Variants in ULBP3 observed in about 807,000 individuals in gnomAD.
The protein encoded by ULBP3 is UL16-binding protein 3.
A neutral mutation model predicts 24.9 loss-of-function variants in ULBP3; 25 were observed. The observed-to-expected ratio is 1.00, with a 90% confidence interval of 0.73 to 1.40. ULBP3 has a LOEUF of 1.40. ULBP3 is among the 40% of genes most tolerant of loss of function. The probability of loss-of-function intolerance (pLI) is 0.00; values close to 1 mark genes in which losing one functional copy is unlikely to be tolerated. For synonymous variants in ULBP3, 114 were observed against 114.7 expected (o/e 0.99, Z 0.04); for missense variants, 306 against 307.5 (o/e 1.00, Z 0.04).
rs1300077292 is a variant in ULBP3 at position 150,064,570 on chromosome 6, T to C, written c.*22+15A>G. The C allele has an allele frequency of 6.2e-7, 1 of 1,603,944 alleles. No individual in the cohort carries two copies. The highest frequency in any genetic ancestry group is 8.5e-7 in the Non-Finnish European group (1 of 1,171,354). On this transcript the variant is annotated intron_variant, in intron 4 of 4. Transcript: ENST00000367339. ...CATCTGTCTCTCGTTCCCCTCACAGTTTTGCCCACAGTACCTGTCACTCTA... is the reference window on the plus strand; with the variant it reads ...CATCTGTCTCTCGTTCCCCTCACAGCTTTGCCCACAGTACCTGTCACTCTA...
At chr6:150,065,810 G>A in intron 2 of ULBP3, 89 bp downstream of exon 2, 4 of 1,581,316 alleles carry the variant, frequency 2.5e-6, no homozygotes, top group Non-Finnish European at 2.6e-6. Context: ...GCTTCATGGA[G>A]GTCCCATGTC....
At position 150,064,573 on chromosome 6, in the gene ULBP3, T is replaced by G; in HGVS notation, c.*22+12A>C. The G allele has an allele frequency of 6.2e-7, 1 of 1,609,512 alleles. No homozygotes were observed. The highest frequency in any genetic ancestry group is 8.5e-7 in the Non-Finnish European group (1 of 1,176,040). On this transcript the variant is annotated intron_variant, in intron 4 of 4. Coordinates refer to ENST00000367339, the MANE Select transcript of ULBP3 (RefSeq NM_024518.3). Reference sequence around the variant, plus strand: ...CTGTCTCTCGTTCCCCTCACAGTTTTGCCCACAGTACCTGTCACTCTAAAT... The same window carrying G: ...CTGTCTCTCGTTCCCCTCACAGTTTGGCCCACAGTACCTGTCACTCTAAAT...
At chr6:150,068,183 T>G (rs948935674) in intron 1 of ULBP3, among the ~76,000 whole-genome samples, 28 of 151,446 alleles carry the variant, frequency 1.8e-4, no homozygotes, top group African/African-American at 6.1e-4. Context: ...TCAGGGAGGG[T>G]CCCTGAATGG....
chr6:150,065,670 G>T lies in ULBP3; in HGVS notation c.356C>A (p.Pro119His), dbSNP rs763120446. 1.2e-6 allele frequency: 2 copies of T among 1,613,966 alleles called. No individual in the cohort carries two copies. The highest frequency in any genetic ancestry group is 1.7e-5 in the Admixed American group (1 of 60,016). ...AGACATCCTGACCTGCAGCGTGAGG[G>T]GTCCTGCCCCAATCAGAAAGAGATC... ...TELEDFTPSGPLTLQVRMSCE... is the reference protein window; with the variant it reads ...TELEDFTPSGHLTLQVRMSCE... Residue 119 changes from proline to histidine, a missense_variant, in exon 3 of 5, where the codon CCC becomes CAC. Transcript: ENST00000367339.
chr6:150,066,003 T>C lies in ULBP3; in HGVS notation c.248A>G (p.Tyr83Cys). 6.2e-7 allele frequency: 1 copy of C among 1,614,220 alleles called. No individual in the cohort carries two copies. Among genetic ancestry groups the C allele is most frequent in the Non-Finnish European group, 8.5e-7 (1 of 1,180,050 alleles). ...TTGTTTTCCCCAGGCATCTGTGGCA[T>C]ACAGCTGCTCTTCTAGGTGACCCAT... ...LSMGHLEEQLYATDAWGKQLE... is the reference protein window; with the variant it reads ...LSMGHLEEQLCATDAWGKQLE... Residue 83 changes from tyrosine to cysteine, a missense_variant, in exon 2 of 5, where the codon TAT becomes TGT. Coordinates refer to ENST00000367339, the MANE Select transcript of ULBP3 (RefSeq NM_024518.3).
intron 4 of ULBP3, among the ~76,000 whole-genome samples, chr6:150,064,060 A>C (rs1562519511): frequency 6.6e-6 from 1 of 152,190 alleles, no homozygotes; most frequent in Non-Finnish European, 1.5e-5. Flanking sequence ...CTGGGACTCA[A>C]GGTGCTCTCT....
chr6:150,064,828 G>T, intron 3 of ULBP3, 115 bp from the exon 4 acceptor site: 1 of 1,116,802 alleles, frequency 9.0e-7, no homozygotes, highest in Non-Finnish European at 1.3e-6. Context: ...TGTCTCCCCT[G>T]CTGTGGGGCA....
In ULBP3 at chr6:150,065,566, A is replaced by G; in HGVS notation, c.460T>C (p.Ser154Pro). 6.2e-7 allele frequency: 1 copy of G among 1,614,100 alleles called. No individual in the cohort carries two copies. Among genetic ancestry groups the G allele is most frequent in the East Asian group, 2.2e-5 (1 of 44,872 alleles). The change falls in exon 3 of 5, where the codon TCA becomes CCA. Residue 154 changes from serine to proline, a missense_variant. Ser to Pro is a moderately conservative substitution (Grantham distance 74). Transcript: ENST00000367339. ...ACCACTGTCCACTTTCTGTTGTTTG[A>G]GTCAAAGAGGAGGAACTTCCGTCCA... is the stretch of plus-strand genomic sequence containing the variant. ...FDGRKFLLFD[S>P]NNRKWTVVHA...
At chr6:150,064,859 G>A in intron 3 of ULBP3, 146 bp from the exon 4 acceptor site, 1 of 794,270 alleles carries the variant, frequency 1.3e-6, no homozygotes. Context: ...CAGGTCCTGG[G>A]GGTAGGAAGG....
chr6:150,062,784 C>T lies in ULBP3; in HGVS notation c.*590G>A, dbSNP rs541379771. 6.7e-6 allele frequency among the ~76,000 whole-genome samples: 1 copy of T among 149,126 alleles called. No homozygotes were observed. Among genetic ancestry groups the T allele is most frequent in the African/African-American group, 2.5e-5 (1 of 40,404 alleles). The stretch of plus-strand genomic sequence containing the variant: ...GTGCAGGAATTCCATCCATTAGCAC[C>T]GAGAGAAAGTGGCAGAAGGTGTTAA... On this transcript the variant is annotated 3_prime_UTR_variant, in exon 5 of 5. Transcript: ENST00000367339.
At chr6:150,068,022 G>T (rs1762125) in intron 1 of ULBP3, among the ~76,000 whole-genome samples, 43,193 of 152,020 alleles carry the variant, frequency 0.28, 6,285 homozygotes, top group South Asian at 0.35. Context: ...TCATTAGGAA[G>T]ATAGGCCCCA....
chr6:150,064,067 C>T (rs1776310801), intron 4 of ULBP3, among the ~76,000 whole-genome samples: 1 of 152,212 alleles, frequency 6.6e-6, no homozygotes, highest in East Asian at 1.9e-4. Flanking sequence ...TCAAGGTGCT[C>T]TCTCTGGGAA....
chr6:150,063,868 A>G (rs1357306483), intron 4 of ULBP3, among the ~76,000 whole-genome samples: 1 of 152,028 alleles, frequency 6.6e-6, no homozygotes, highest in Non-Finnish European at 1.5e-5. Context: ...CAGCTGCCCT[A>G]GCTGAGTCCA....
rs895597385 is a variant in ULBP3 at position 150,069,055 on chromosome 6, G to C, written c.12C>G (p.Ala4=). MAA[A]ASPAILPRLA... is the part of the protein sequence containing the mutation. ...GGCGCGGAAGGATCGCGGGGCTGGCGGCCGCTGCCATTGTAGACCAGGAGC... is the reference window on the plus strand; with the variant it reads ...GGCGCGGAAGGATCGCGGGGCTGGCCGCCGCTGCCATTGTAGACCAGGAGC... The change falls in exon 1 of 5, where the codon GCC becomes GCG. Residue 4 remains alanine, a synonymous_variant. Transcript: ENST00000367339. 6.8e-6 allele frequency: 11 copies of C among 1,610,566 alleles called. No individual in the cohort carries two copies. Among genetic ancestry groups the C allele is most frequent in the Non-Finnish European group, 9.3e-6 (11 of 1,179,106 alleles).
rs1776287848 is a variant in ULBP3 at position 150,062,715 on chromosome 6, A to G, written c.*659T>C. ...TGCTTTTCCACAATCAAAGAAGTAG[A>G]AAGAAAATGCCTTTTGCTGGGATTT... On this transcript the variant is annotated 3_prime_UTR_variant, in exon 5 of 5. Transcript: ENST00000367339. 1.3e-5 allele frequency among the ~76,000 whole-genome samples: 2 copies of G among 152,242 alleles called. No homozygotes were observed. The highest frequency in any genetic ancestry group is 4.1e-4 in the South Asian group (2 of 4,828).
rs1002980490 is a variant in ULBP3, at chr6:150,061,416, C to T, written c.*1958G>A. On this transcript the variant is annotated 3_prime_UTR_variant, in exon 5 of 5. Transcript: ENST00000367339. ...AGGTGGTTTTTCAGCCCAGGTGCCCCTCCTGTCTCACCTGTCTAGTAATCT... is the reference window on the plus strand; with the variant it reads ...AGGTGGTTTTTCAGCCCAGGTGCCCTTCCTGTCTCACCTGTCTAGTAATCT... Among the ~76,000 whole-genome samples, 4 of 152,198 alleles carry T rather than the reference C, an allele frequency of 2.6e-5. No homozygotes were observed. Among genetic ancestry groups the T allele is most frequent in the African/African-American group, 9.7e-5 (4 of 41,444 alleles).
At position 150,064,668 on chromosome 6, in the gene ULBP3, G is replaced by A; in HGVS notation, c.674C>T (p.Ala225Val). The stretch of plus-strand genomic sequence containing the variant: ...GAAGCTCCAGGGACTGAGGGTGGTG[G>A]CTATGGCTTTGGGTTGAGCTAAGCC... ...APGLAQPKAIATTLSPWSFLI... is the reference protein window; with the variant it reads ...APGLAQPKAIVTTLSPWSFLI... Residue 225 changes from alanine to valine, a missense_variant, in exon 4 of 5, where the codon GCC (alanine) becomes GTC (valine). Physicochemically the swap from Ala to Val is moderately conservative, Grantham distance 64. Transcript: ENST00000367339. 1.2e-6 allele frequency: 2 copies of A among 1,614,156 alleles called. No homozygotes were observed. Among genetic ancestry groups the A allele is most frequent in the Non-Finnish European group, 1.7e-6 (2 of 1,179,994 alleles).
Position 150,066,089 on chromosome 6 carries a change from C to G in ULBP3, c.162G>C (p.Gln54His), listed in dbSNP as rs1370400129. 1 of 1,614,180 alleles carries G rather than the reference C, an allele frequency of 6.2e-7. No individual in the cohort carries two copies. The highest frequency in any genetic ancestry group is 8.5e-7 in the Non-Finnish European group (1 of 1,180,042). ...GAAAATTCTTCTGATCCACCTGGCT[C>G]TGGACCTCACACCACTGTTGCCCAT... is the stretch of plus-strand genomic sequence containing the variant. ...PRHGQQWCEV[Q>H]SQVDQKNFLS... The change falls in exon 2 of 5, where the codon CAG becomes CAC. Residue 54 changes from glutamine to histidine, a missense_variant. Physicochemically the swap from Gln to His is conservative, Grantham distance 24. Coordinates refer to ENST00000367339, the MANE Select transcript of ULBP3 (RefSeq NM_024518.3).
At chr6:150,067,700 T>A (rs561369922) in intron 1 of ULBP3, among the ~76,000 whole-genome samples, 1 of 152,166 alleles carries the variant, frequency 6.6e-6, no homozygotes, top group East Asian at 1.9e-4. Context: ...CCATACACAC[T>A]CTGTGATGAG....
Sources: allele counts gnomAD v4.1 joint callset (sites outside exome capture counted in the v4.1 genomes callset), GRCh38; gene constraint gnomAD v4.1.1; transcripts MANE v1.5; gene names NCBI Gene and HGNC (gene_info 2026-07-23, HGNC 2026-07-21).